UPRT: variants seen among roughly 807,000 people sequenced by gnomAD.
UPRT encodes the protein uracil phosphoribosyltransferase homolog.
Under a neutral mutation model 22.6 loss-of-function variants are expected in UPRT, and 5 were observed. That is an observed-to-expected ratio of 0.22 (90% CI 0.12 to 0.47). UPRT has a LOEUF of 0.47. UPRT is among the 20% of genes least tolerant of loss of function. UPRT has a pLI of 0.99. For missense variants in UPRT, 181 were observed against 239.9 expected (o/e 0.75, Z 1.62); for synonymous variants, 77 against 87.7 (o/e 0.88, Z 0.68).
At chrX:75,238,286 A>T (rs1018844875) in intron 4 of UPRT, among the ~76,000 whole-genome samples, 2 of 111,478 alleles carry the variant, frequency 1.8e-5, no homozygotes, top group African/African-American at 6.5e-5. Flanking sequence ...AGGTAGAAAA[A>T]GATATTCCAT....
At chrX:75,241,779 A>G (rs950175838) in intron 4 of UPRT, among the ~76,000 whole-genome samples, 1 of 111,790 alleles carries the variant, frequency 8.9e-6, no homozygotes, top group African/African-American at 3.2e-5. Context: ...AGCAACCTAG[A>G]TGGAGTTGGA....
At chrX:75,257,242 A>G (rs1452648754) in intron 4 of UPRT, among the ~76,000 whole-genome samples, 1 of 112,329 alleles carries the variant, frequency 8.9e-6, no homozygotes, top group African/African-American at 3.2e-5. Context: ...GTGATATACC[A>G]CATAAACAGA....
At chrX:75,245,499 C>T (rs1471716898) in intron 4 of UPRT, among the ~76,000 whole-genome samples, 1 of 109,288 alleles carries the variant, frequency 9.2e-6, no homozygotes, top group Admixed American at 9.7e-5. Context: ...AATTTATGTT[C>T]ACTGCAGCAC....
At chrX:75,163,403 A>G (rs2082205264) in intron 3 of UPRT, among the ~76,000 whole-genome samples, 1 of 112,154 alleles carries the variant, frequency 8.9e-6, no homozygotes, top group African/African-American at 3.2e-5. Flanking sequence ...TGCCTTAATT[A>G]CATCAGCAAA....
chrX:75,176,085 C>T (rs780741152), intron 4 of UPRT, among the ~76,000 whole-genome samples: 40 of 111,176 alleles, frequency 3.6e-4, no homozygotes, highest in African/African-American at 1.2e-3. Context: ...CGTAGCCGCT[C>T]GAGGAAGGCA....
At chrX:75,300,842 T>G (rs762663871) in intron 5 of UPRT, 25 bp from the exon 6 acceptor site, 5 of 1,131,467 alleles carry the variant, frequency 4.4e-6, no homozygotes, top group Middle Eastern at 4.9e-4. Flanking sequence ...GGTTGCTAAT[T>G]CATTTGGTTA....
At chrX:75,209,348 C>T (rs1018174248) in intron 4 of UPRT, among the ~76,000 whole-genome samples, 1 of 111,001 alleles carries the variant, frequency 9.0e-6, no homozygotes, top group African/African-American at 3.3e-5. Flanking sequence ...TTTGGCTGAG[C>T]ACAGTCCGAC....
Position 75,274,614 on chromosome X carries a change from G to A in UPRT, c.360G>A (p.Arg120=), listed in dbSNP as rs201747897. The change falls in exon 1 of 7, where the codon CGG becomes CGA. Residue 120 remains arginine, a synonymous_variant. Transcript: ENST00000373383. The part of the protein sequence containing the change: ...LKLLPMNDQI[R]ELQTIIRDKT... ...TGCTGCCTATGAATGATCAGATACG[G>A]GAGCTACAGACCATCATCCGTGACA... The A allele has an allele frequency of 4.0e-5, 48 of 1,200,489 alleles. No homozygotes were observed. In the African/African-American group the frequency reaches 7.7e-4, roughly 19 times the overall value.
chrX:75,299,933 G>C (rs1213328690), intron 5 of UPRT, 37 bp downstream of exon 5: 1 of 1,185,639 alleles, frequency 8.4e-7, no homozygotes, highest in Non-Finnish European at 1.1e-6. Context: ...CTTTGGTTAG[G>C]GTTTAAATTC....
chrX:75,274,310 A>G lies in UPRT; in HGVS notation c.56A>G (p.Asn19Ser). 8.3e-7 allele frequency: 1 copy of G among 1,210,648 alleles called. No individual in the cohort carries two copies. Residue 19 changes from asparagine to serine, a missense_variant, in exon 1 of 7, where the codon AAC becomes AGC. Physicochemically the swap from Asn to Ser is conservative, Grantham distance 46. Around this residue, in one of 2 missense-constraint regions of UPRT, gnomAD observed 111 missense variants for 102.8 expected, o/e 1.08. Coordinates refer to ENST00000373383, the MANE Select transcript of UPRT (RefSeq NM_145052.4). ...DSMPCHNQQV[N>S]SASTPSPEQL... ...ATGCCCTGTCACAACCAGCAAGTAA[A>G]CTCTGCCTCAACCCCAAGTCCCGAG...
At chrX:75,261,790 G>A (rs1035774476) in intron 4 of UPRT, among the ~76,000 whole-genome samples, 2 of 111,301 alleles carry the variant, frequency 1.8e-5, no homozygotes, top group African/African-American at 6.5e-5. Flanking sequence ...CTGGCAAATC[G>A]AATCCAGCAG....
chrX:75,163,379 G>A (rs1313338982), intron 3 of UPRT, among the ~76,000 whole-genome samples: 1 of 111,963 alleles, frequency 8.9e-6, no homozygotes, highest in Non-Finnish European at 1.9e-5. Flanking sequence ...TTAACTTAAA[G>A]TCAACTGATT....
At chrX:75,263,738 G>T (rs1323744191) in intron 4 of UPRT, among the ~76,000 whole-genome samples, 1 of 109,692 alleles carries the variant, frequency 9.1e-6, no homozygotes, top group African/African-American at 3.3e-5. Flanking sequence ...TCTGATCTTA[G>T]TTATTTCTTG....
At chrX:75,200,430 C>G (rs2082344277) in intron 4 of UPRT, among the ~76,000 whole-genome samples, 1 of 111,197 alleles carries the variant, frequency 9.0e-6, no homozygotes, top group Non-Finnish European at 1.9e-5. Context: ...CTGGTCTCTA[C>G]CAAAAAATGC....
intron 4 of UPRT, among the ~76,000 whole-genome samples, chrX:75,202,992 A>T (rs1238172755): frequency 1.8e-5 from 2 of 111,788 alleles, no homozygotes; most frequent in Non-Finnish European, 3.8e-5. Context: ...CAATTAAAAG[A>T]CTCAGACTGG....
intron 4 of UPRT, among the ~76,000 whole-genome samples, chrX:75,266,061 A>C (rs2082587424): frequency 9.0e-6 from 1 of 111,501 alleles, no homozygotes; most frequent in African/African-American, 3.3e-5. Flanking sequence ...GCTACCAATG[A>C]CTTTCTTCAC....
chrX:75,235,505 T>C (rs752589102), intron 4 of UPRT, among the ~76,000 whole-genome samples: 2 of 111,626 alleles, frequency 1.8e-5, no homozygotes, highest in Non-Finnish European at 3.8e-5. Flanking sequence ...TTTAGACCAA[T>C]ATCCTTGAAT....
intron 4 of UPRT, among the ~76,000 whole-genome samples, chrX:75,299,187 A>G (rs1418729614): frequency 8.9e-6 from 1 of 112,097 alleles, no homozygotes; most frequent in Non-Finnish European, 1.9e-5. Context: ...ATTACCTGGG[A>G]GAGGGGGAAC....
chrX:75,218,608 A>C (rs1488690083), intron 4 of UPRT, among the ~76,000 whole-genome samples: 1 of 97,541 alleles, frequency 1.0e-5, no homozygotes, highest in African/African-American at 3.8e-5. Context: ...TTGCGGCACT[A>C]TTCACAATAG....
Sources: gnomAD v4.1 joint callset for allele counts (sites outside exome capture counted in the v4.1 genomes callset) on GRCh38, gnomAD v4.1.1 for gene constraint, gnomAD v4.1.1 regional missense constraint, MANE v1.5 for transcripts, NCBI Gene and HGNC (gene_info 2026-07-23, HGNC 2026-07-21) for gene names.